NELL1: variants seen among roughly 807,000 people sequenced by gnomAD.
The protein encoded by NELL1 is protein kinase C-binding protein NELL1.
In NELL1, 76 loss-of-function variants were observed where a neutral mutation model predicts 107.4. The ratio of observed to expected loss-of-function variants is 0.71; its 90% CI spans 0.59 to 0.86. The LOEUF is 0.86. Among genes scored for constraint, NELL1 ranks in the 40% least tolerant of loss-of-function variants. The pLI, the probability that NELL1 is intolerant of heterozygous loss-of-function variation, is 0.00. For synonymous variants in NELL1, 353 were observed against 341.2 expected (o/e 1.03, Z -0.38); for missense variants, 1,024 against 1,005.5 (o/e 1.02, Z -0.25).
At chr11:21,203,410 G>A (rs190684385) in intron 13 of NELL1, among the ~76,000 whole-genome samples, 39 of 141,186 alleles carry the variant, frequency 2.8e-4, no homozygotes, top group Admixed American at 6.4e-4. Context: ...TTTGTTATCC[G>A]TCTAGAATTG....
At chr11:20,860,975 G>A (rs1484919039) in intron 4 of NELL1, among the ~76,000 whole-genome samples, 1 of 152,080 alleles carries the variant, frequency 6.6e-6, no homozygotes, top group Non-Finnish European at 1.5e-5. Flanking sequence ...CTGTGGATCT[G>A]TTTCATAAAA....
chr11:20,938,215 T>A (rs1236457964), intron 10 of NELL1, among the ~76,000 whole-genome samples: 1 of 152,172 alleles, frequency 6.6e-6, no homozygotes, highest in Non-Finnish European at 1.5e-5. Flanking sequence ...TAATACTAAC[T>A]CTACTCCCAG....
rs145340142 is a variant in NELL1, at chr11:21,229,430, G to C, written c.1525G>C (p.Val509Leu). The stretch of plus-strand genomic sequence containing the variant: ...CAGCTGCACCTGCAAACCGGGCTAC[G>C]TGGGGAACGGGACCATCTGCAGAGG... ...GHSCTCKPGY[V>L]GNGTICRAFC... Residue 509 changes from valine to leucine, a missense_variant, in exon 14 of 20, where the codon GTG becomes CTG. Coordinates refer to ENST00000357134, the MANE Select transcript of NELL1 (RefSeq NM_006157.5). 3.1e-6 allele frequency: 5 copies of C among 1,613,824 alleles called. No individual in the cohort carries two copies. In the African/African-American group the frequency reaches 5.3e-5, roughly 17 times the overall value.
intron 13 of NELL1, among the ~76,000 whole-genome samples, chr11:21,178,868 A>G (rs1856765833): frequency 6.6e-6 from 1 of 151,818 alleles, no homozygotes; most frequent in South Asian, 2.1e-4. Context: ...GGAGGTTTTT[A>G]TGATTAGACA....
chr11:21,449,032 A>G (rs1014821773), intron 15 of NELL1, among the ~76,000 whole-genome samples: 2 of 152,218 alleles, frequency 1.3e-5, no homozygotes, highest in Admixed American at 1.3e-4. Context: ...ATAACTGTTT[A>G]TATTGACATG....
intron 3 of NELL1, among the ~76,000 whole-genome samples, chr11:20,825,344 A>C (rs1193296737): frequency 6.6e-6 from 1 of 151,190 alleles, no homozygotes; most frequent in Non-Finnish European, 1.5e-5. Flanking sequence ...AGAATGGTAG[A>C]TCTACCGACA....
intron 12 of NELL1, among the ~76,000 whole-genome samples, chr11:21,059,520 T>C (rs1853688126): frequency 6.6e-6 from 1 of 152,170 alleles, no homozygotes; most frequent in Admixed American, 6.5e-5. Context: ...TAAGAAAGTA[T>C]TAATTACCCT....
chr11:21,039,215 C>T (rs1270663217), intron 12 of NELL1, among the ~76,000 whole-genome samples: 1 of 151,794 alleles, frequency 6.6e-6, no homozygotes, highest in East Asian at 1.9e-4. Flanking sequence ...CAGAGTCTTG[C>T]TCTGCTGTCT....
At chr11:21,534,786 A>C (rs1856092431) in intron 16 of NELL1, among the ~76,000 whole-genome samples, 1 of 152,096 alleles carries the variant, frequency 6.6e-6, no homozygotes, top group Non-Finnish European at 1.5e-5. Context: ...TAGTCTTCTT[A>C]ATTCTTTCTA....
intron 15 of NELL1, among the ~76,000 whole-genome samples, chr11:21,444,047 T>C (rs984546164): frequency 1.3e-5 from 2 of 152,186 alleles, no homozygotes; most frequent in African/African-American, 4.8e-5. Flanking sequence ...TCTCTCTGTA[T>C]GTATGTATAC....
intron 12 of NELL1, among the ~76,000 whole-genome samples, chr11:21,072,400 G>C (rs911910525): frequency 1.3e-5 from 2 of 152,098 alleles, no homozygotes; most frequent in Non-Finnish European, 2.9e-5. Flanking sequence ...GGTGATCTCT[G>C]GGTTTTATTT....
intron 14 of NELL1, among the ~76,000 whole-genome samples, chr11:21,353,868 A>G (rs922829270): frequency 2.0e-5 from 3 of 152,202 alleles, no homozygotes; most frequent in Non-Finnish European, 2.9e-5. Context: ...CATATGACAG[A>G]CTGTTAACCC....
At chr11:20,978,737 A>G (rs1020728583) in intron 12 of NELL1, among the ~76,000 whole-genome samples, 10 of 152,150 alleles carry the variant, frequency 6.6e-5, no homozygotes, top group Non-Finnish European at 1.3e-4. Flanking sequence ...GTCCTTAGCA[A>G]CCTTCGGATT....
chr11:21,282,030 C>A (rs1849007234), intron 14 of NELL1, among the ~76,000 whole-genome samples: 1 of 151,844 alleles, frequency 6.6e-6, no homozygotes, highest in Non-Finnish European at 1.5e-5. Context: ...TTCTTCACAG[C>A]AAAGGAAATA....
intron 2 of NELL1, among the ~76,000 whole-genome samples, chr11:20,722,017 CTCTTTTT>C (rs1382057312): frequency 1.4e-5 from 2 of 138,512 alleles, no homozygotes; most frequent in Admixed American, 7.3e-5. Context: ...TTCTGAGTCT[CTCTTTTT>C]TTTTTTTTTT....
intron 12 of NELL1, among the ~76,000 whole-genome samples, chr11:21,092,726 T>C (rs1363414542): frequency 6.6e-6 from 1 of 152,182 alleles, no homozygotes; most frequent in Non-Finnish European, 1.5e-5. Flanking sequence ...GCAATGTTAT[T>C]ACATAGCAAG....
intron 2 of NELL1, among the ~76,000 whole-genome samples, chr11:20,765,905 T>A (rs566366834): frequency 6.6e-6 from 1 of 152,354 alleles, no homozygotes; most frequent in African/African-American, 2.4e-5. Context: ...TCATGGTGTA[T>A]AACAGCTCTC....
At chr11:20,708,672 GT>G (rs1377602448) in intron 2 of NELL1, among the ~76,000 whole-genome samples, 1 of 151,986 alleles carries the variant, frequency 6.6e-6, no homozygotes, top group Non-Finnish European at 1.5e-5. Flanking sequence ...CACTCTTTTG[GT>G]TGTCTGTTTA....
intron 2 of NELL1, among the ~76,000 whole-genome samples, chr11:20,702,935 A>G (rs770056073): frequency 2.6e-5 from 4 of 152,144 alleles, no homozygotes; most frequent in Non-Finnish European, 5.9e-5. Flanking sequence ...GGATTTTTGC[A>G]TTGATGTTCA....
Sources: allele counts gnomAD v4.1 joint callset (sites outside exome capture counted in the v4.1 genomes callset), GRCh38; gene constraint gnomAD v4.1.1; transcripts MANE v1.5; gene names NCBI Gene and HGNC (gene_info 2026-07-23, HGNC 2026-07-21).